PODXL: variants seen among roughly 807,000 people sequenced by gnomAD.
PODXL encodes podocalyxin like, also known as podocalyxin.
In PODXL, 20 loss-of-function variants were observed where a neutral mutation model predicts 48.9. That is an observed-to-expected ratio of 0.41 (90% confidence interval 0.29 to 0.59). The LOEUF (loss-of-function observed/expected upper bound fraction) is 0.59, where lower values mean the gene tolerates loss of function less well. Among genes scored for constraint, PODXL ranks in the 20% least tolerant of loss-of-function variants. The probability of loss-of-function intolerance (pLI) is 0.31; values close to 1 mark genes in which losing one functional copy is unlikely to be tolerated. For missense variants in PODXL, 606 were observed against 675.1 expected, an observed-to-expected ratio of 0.90 and a Z score of 1.13; for synonymous variants, 295 against 287.4, an observed-to-expected ratio of 1.03 and a Z score of -0.27.
At chr7:131,513,672 T>G (rs1444321604) in intron 1 of PODXL, among the ~76,000 whole-genome samples, 1 of 152,086 alleles carries the variant, frequency 6.6e-6, no homozygotes, top group Non-Finnish European at 1.5e-5. Context: ...ACATCATGCA[T>G]GGAGGTGAGG....
chr7:131,539,760 C>A (rs1305278708), intron 1 of PODXL, among the ~76,000 whole-genome samples: 1 of 152,214 alleles, frequency 6.6e-6, no homozygotes, highest in Non-Finnish European at 1.5e-5. Flanking sequence ...CAGGAACGTC[C>A]GTGCCCAGTC....
intron 1 of PODXL, among the ~76,000 whole-genome samples, chr7:131,555,432 G>A (rs934567265): frequency 2.0e-5 from 3 of 152,228 alleles, no homozygotes; most frequent in African/African-American, 7.2e-5. Context: ...AAAAGAAACA[G>A]GGAGGGGATG....
chr7:131,555,996 CCT>C lies in PODXL; in HGVS notation c.100+262_100+263del, dbSNP rs1031341234. On this transcript the variant is annotated intron_variant, in intron 1 of 8. Transcript: ENST00000378555. The stretch of plus-strand genomic sequence containing the variant: ...CAAACCCACTTAGCACCGGCGCGCC[CCT>C]GTTTGCCCGGGCAGAATCCACCGCC... Among the ~76,000 whole-genome samples the C allele has an allele frequency of 8.5e-5, 13 of 152,358 alleles. No individual in the cohort carries two copies. The East Asian group carries it at 1.5e-3, about 18-fold the overall frequency.
At chr7:131,547,916 C>G (rs1202232970) in intron 1 of PODXL, among the ~76,000 whole-genome samples, 1 of 152,224 alleles carries the variant, frequency 6.6e-6, no homozygotes, top group Non-Finnish European at 1.5e-5. Flanking sequence ...CTCACCTGCT[C>G]TGAGGTGAGA....
intron 1 of PODXL, among the ~76,000 whole-genome samples, chr7:131,511,915 A>G (rs975553250): frequency 2.0e-5 from 3 of 152,058 alleles, no homozygotes; most frequent in African/African-American, 7.2e-5. Context: ...AAGTTTCTCA[A>G]TATGCTACCC....
rs1174717129 is a variant in PODXL at position 131,504,263 on chromosome 7, G to A, written c.*48C>T. On this transcript the variant is annotated 3_prime_UTR_variant, in exon 9 of 9. Transcript: ENST00000378555. Reference sequence around the variant, plus strand: ...CCCCATCCAAACGGCACTTGGGGTGGTTGGTCTGGAGCTCTGTGGTGCTGC... The same window carrying A: ...CCCCATCCAAACGGCACTTGGGGTGATTGGTCTGGAGCTCTGTGGTGCTGC... 17 of 1,522,498 alleles carry A rather than the reference G, an allele frequency of 1.1e-5. No homozygotes were observed. Among genetic ancestry groups the A allele is most frequent in the South Asian group, 2.3e-5 (2 of 88,018 alleles). The allele number at this position is 1,522,498 out of a possible 1,614,324, so 94.3% of individuals were successfully genotyped here. A position where few individuals can be genotyped will look rare whatever the true frequency, so the allele number is the denominator to read the frequency against.
chr7:131,524,308 T>C (rs1479189005), intron 1 of PODXL, among the ~76,000 whole-genome samples: 1 of 151,158 alleles, frequency 6.6e-6, no homozygotes, highest in Non-Finnish European at 1.5e-5. Context: ...TCCACTCCTA[T>C]TGAACACTGT....
At position 131,525,525 on chromosome 7, in the gene PODXL, G is replaced by A. The variant is rs556274750; in HGVS notation, c.101-14092C>T. Among the ~76,000 whole-genome samples the A allele has an allele frequency of 4.6e-5, 7 of 151,026 alleles. No homozygotes were observed. In the South Asian group the frequency reaches 1.5e-3, roughly 32 times the overall value. ...CTCGGGAGGCAGGACCGCTTGAACT[G>A]GGAGGCAGAGGTTGTAGTGAGCTGA... On this transcript the variant is annotated intron_variant, in intron 1 of 8. Transcript: ENST00000378555.
Position 131,540,845 on chromosome 7 carries a change from A to G in PODXL, c.100+15415T>C, listed in dbSNP as rs74490059. Among the ~76,000 whole-genome samples, 76 of 152,266 alleles carry G rather than the reference A, an allele frequency of 5.0e-4. 3 individuals are homozygous for G. In the East Asian group the frequency reaches 0.015, roughly 30 times the overall value. ...CGAGCCAGAGGGAAGTCCCGCATGC[A>G]TGGCTGTGGGATAGTCACCTCTGAA... On this transcript the variant is annotated intron_variant, in intron 1 of 8. Coordinates refer to ENST00000378555, the MANE Select transcript of PODXL (RefSeq NM_001018111.3).
At chr7:131,526,009 C>G (rs1798179773) in intron 1 of PODXL, among the ~76,000 whole-genome samples, 1 of 152,156 alleles carries the variant, frequency 6.6e-6, no homozygotes, top group African/African-American at 2.4e-5. Context: ...TTTCCCAGCT[C>G]TGTCCACTCA....
chr7:131,544,757 C>CCTTA, intron 1 of PODXL, among the ~76,000 whole-genome samples: 1 of 152,126 alleles, frequency 6.6e-6, no homozygotes, highest in East Asian at 1.9e-4. Context: ...GTCCCACCTG[C>CCTTA]GAGTAGTGCC....
intron 1 of PODXL, among the ~76,000 whole-genome samples, chr7:131,528,526 T>C (rs1798223479): frequency 6.6e-6 from 1 of 152,120 alleles, no homozygotes; most frequent in African/African-American, 2.4e-5. Flanking sequence ...GGATGTGAAA[T>C]ATGCATTTCT....
chr7:131,530,532 C>A (rs955947050), intron 1 of PODXL, among the ~76,000 whole-genome samples: 1 of 151,412 alleles, frequency 6.6e-6, no homozygotes, highest in Non-Finnish European at 1.5e-5. Flanking sequence ...ATCACTTGAG[C>A]CCAGGAGTTT....
At chr7:131,544,493 G>A (rs989513617) in intron 1 of PODXL, among the ~76,000 whole-genome samples, 1 of 152,168 alleles carries the variant, frequency 6.6e-6, no homozygotes, top group Admixed American at 6.5e-5. Context: ...AAGCTCTCTA[G>A]AACCCCAGCC....
chr7:131,523,539 G>A (rs1306623540), intron 1 of PODXL, among the ~76,000 whole-genome samples: 3 of 151,454 alleles, frequency 2.0e-5, no homozygotes, highest in South Asian at 2.1e-4. Context: ...AAAATTAGCC[G>A]GGCTTGGTGG....
At chr7:131,542,236 TTCTCTCTCTGCCC>T (rs1421495331) in intron 1 of PODXL, among the ~76,000 whole-genome samples, 2 of 152,172 alleles carry the variant, frequency 1.3e-5, no homozygotes, top group Non-Finnish European at 1.5e-5. Context: ...CCATGCCCCG[TTCTCTCTCTGCCC>T]TCTCTCTCTG....
rs1554391083 is a variant in PODXL at position 131,556,270 on chromosome 7, G to GGGCGAGGGCGAC, written c.89_90insGTCGCCCTCGCC (p.Pro28_Ser31dup). 2 of 1,462,602 alleles carry GGGCGAGGGCGAC rather than the reference G, an allele frequency of 1.4e-6. No homozygotes were observed. Among genetic ancestry groups the GGGCGAGGGCGAC allele is most frequent in the African/African-American group, 1.5e-5 (1 of 67,856 alleles). The allele number at this position is 1,462,602 out of a possible 1,614,324, so 90.6% of individuals were successfully genotyped here. On this transcript the variant is annotated inframe_insertion, in exon 1 of 9. Coordinates refer to ENST00000378555, the MANE Select transcript of PODXL (RefSeq NM_001018111.3). ...AGGCCGGCCACTCACCATTCTGGGA[G>GGGCGAGGGCGAC]GGCGACGGCGACGGCGACGGCGACG...
intron 1 of PODXL, among the ~76,000 whole-genome samples, chr7:131,511,965 C>T (rs1168661062): frequency 6.6e-6 from 1 of 152,208 alleles, no homozygotes; most frequent in Non-Finnish European, 1.5e-5. Context: ...TCCTCCTCCC[C>T]AGCTCCCAGG....
rs779633575 is a variant in PODXL, at chr7:131,509,076, C to G, written c.1024-48G>C. 2.7e-6 allele frequency: 4 copies of G among 1,489,782 alleles called. No individual in the cohort carries two copies. The East Asian group carries it at 9.0e-5, about 34-fold the overall frequency. The allele number at this position is 1,489,782 out of a possible 1,614,324, so 92.3% of individuals were successfully genotyped here. A position where few individuals can be genotyped will look rare whatever the true frequency, so the allele number is the denominator to read the frequency against. ...AGGTTTGGGCTAATAGTCATGGAAT[C>G]TTTGACATTTCCCCCCAACTAAGGG... is the stretch of plus-strand genomic sequence containing the variant. On this transcript the variant is annotated intron_variant, in intron 4 of 8. Transcript: ENST00000378555.
Sources: allele counts gnomAD v4.1 joint callset (sites outside exome capture counted in the v4.1 genomes callset), GRCh38; gene constraint gnomAD v4.1.1; transcripts MANE v1.5; gene names NCBI Gene and HGNC (gene_info 2026-07-23, HGNC 2026-07-21).